NBAS: variants seen among roughly 807,000 people sequenced by gnomAD.
NBAS encodes the protein NBAS subunit of NRZ tethering complex.
NBAS carries 219 observed loss-of-function variants against 302.5 expected under a neutral mutation model. The observed-to-expected ratio is 0.72, with a 90% confidence interval of 0.65 to 0.81. The LOEUF is 0.81. Among genes scored for constraint, NBAS ranks in the 30% least tolerant of loss-of-function variants. The probability of loss-of-function intolerance (pLI) is 0.00; values close to 1 mark genes in which losing one functional copy is unlikely to be tolerated. For missense variants in NBAS, 2,932 were observed against 2,841.6 expected, an observed-to-expected ratio of 1.03 and a Z score of -0.72; for synonymous variants, 1,118 against 1,021.6, an observed-to-expected ratio of 1.09 and a Z score of -1.80.
the NBAS span, among the ~76,000 whole-genome samples, chr2:14,843,557 G>GACAC: frequency 1.8e-4 from 27 of 147,034 alleles, no homozygotes; most frequent in Non-Finnish European, 2.9e-4. Flanking sequence ...TACAGACACA[G>GACAC]ACACACACAC....
At chr2:15,317,816 A>C (rs1558529220) in intron 38 of NBAS, among the ~76,000 whole-genome samples, 1 of 152,254 alleles carries the variant, frequency 6.6e-6, no homozygotes, top group Non-Finnish European at 1.5e-5. Flanking sequence ...CAAGTTGGAA[A>C]ACACACTTCA....
intron 19 of NBAS, among the ~76,000 whole-genome samples, chr2:15,463,624 C>T (rs747364080): frequency 7.2e-5 from 11 of 151,890 alleles, no homozygotes; most frequent in Non-Finnish European, 1.3e-4. Flanking sequence ...TTCCCTTTAT[C>T]GCACTCATCC....
At chr2:14,788,460 T>C in the NBAS span, among the ~76,000 whole-genome samples, 2 of 152,142 alleles carry the variant, frequency 1.3e-5, no homozygotes, top group Non-Finnish European at 2.9e-5. Context: ...TTTTATCTAC[T>C]TTTGGTCTTT....
At chr2:15,063,702 A>G in the NBAS span, among the ~76,000 whole-genome samples, 1 of 152,210 alleles carries the variant, frequency 6.6e-6, no homozygotes, top group South Asian at 2.1e-4. Flanking sequence ...AGAGGCATCG[A>G]GAATGTGCAC....
At chr2:15,053,556 G>T in the NBAS span, among the ~76,000 whole-genome samples, 1 of 152,132 alleles carries the variant, frequency 6.6e-6, no homozygotes, top group Non-Finnish European at 1.5e-5. Flanking sequence ...ACCCCAAATT[G>T]ACACAGTCTG....
chr2:15,516,407 C>T (rs911431012), intron 9 of NBAS, among the ~76,000 whole-genome samples: 2 of 152,132 alleles, frequency 1.3e-5, no homozygotes, highest in Admixed American at 6.5e-5. Context: ...GACATTCTCA[C>T]TCAAATTTGA....
chr2:15,216,876 G>A (rs1250852913), intron 48 of NBAS, among the ~76,000 whole-genome samples: 2 of 152,174 alleles, frequency 1.3e-5, no homozygotes, highest in African/African-American at 2.4e-5. Context: ...TCATCCTGGC[G>A]AGAAGGTGAA....
the NBAS span, among the ~76,000 whole-genome samples, chr2:14,991,432 G>A: frequency 6.6e-6 from 1 of 152,160 alleles, no homozygotes; most frequent in Non-Finnish European, 1.5e-5. Context: ...GAAACATAAG[G>A]TACCATTGAC....
chr2:15,311,196 C>T (rs1004460789), intron 38 of NBAS, among the ~76,000 whole-genome samples: 1 of 152,202 alleles, frequency 6.6e-6, no homozygotes, highest in African/African-American at 2.4e-5. Context: ...CATCTGAATA[C>T]TCATATTAAG....
chr2:14,906,642 G>A, the NBAS span, among the ~76,000 whole-genome samples: 1 of 152,176 alleles, frequency 6.6e-6, no homozygotes, highest in East Asian at 1.9e-4. Flanking sequence ...AGAAGCCCTG[G>A]GGGTGGCATG....
intron 31 of NBAS, among the ~76,000 whole-genome samples, chr2:15,373,215 G>C (rs570289088): frequency 6.6e-6 from 1 of 152,260 alleles, no homozygotes; most frequent in African/African-American, 2.4e-5. Flanking sequence ...AAATTTTCCA[G>C]TGATTTAGCA....
intron 32 of NBAS, among the ~76,000 whole-genome samples, chr2:15,356,691 A>G (rs1482121902): frequency 6.6e-6 from 1 of 152,204 alleles, no homozygotes; most frequent in Admixed American, 6.5e-5. Context: ...GAACCCTACA[A>G]AAAAGTCTTG....
intron 25 of NBAS, among the ~76,000 whole-genome samples, chr2:15,404,173 C>T (rs1389743025): frequency 6.6e-6 from 1 of 152,124 alleles, no homozygotes; most frequent in African/African-American, 2.4e-5. Flanking sequence ...AACAAATACC[C>T]TAAGAGGTCA....
intron 3 of NBAS, among the ~76,000 whole-genome samples, chr2:15,556,138 G>C (rs1664634166): frequency 6.6e-6 from 1 of 152,114 alleles, no homozygotes; most frequent in Non-Finnish European, 1.5e-5. Context: ...AAAGACGTTG[G>C]AGCAAGTCCT....
rs185386942 is a variant in NBAS, at chr2:15,413,297, C to G, written c.2937+2249G>C. On this transcript the variant is annotated intron_variant, in intron 25 of 51. Coordinates refer to ENST00000281513, the MANE Select transcript of NBAS (RefSeq NM_015909.4). ...CCCTGCCAAAATTTGCTGACATTTGCTCTCTACTAGGCACTGTGCAATTCC... is the reference window on the plus strand; with the variant it reads ...CCCTGCCAAAATTTGCTGACATTTGGTCTCTACTAGGCACTGTGCAATTCC... Among the ~76,000 whole-genome samples the G allele has an allele frequency of 2.6e-4, 39 of 152,260 alleles. No individual in the cohort carries two copies. The East Asian group carries it at 7.5e-3, about 29-fold the overall frequency.
At chr2:15,452,099 T>C in intron 21 of NBAS, among the ~76,000 whole-genome samples, 1 of 152,138 alleles carries the variant, frequency 6.6e-6, no homozygotes, top group Admixed American at 6.5e-5. Context: ...GAAATGTGGT[T>C]GCCAAGGGCT....
At chr2:14,784,638 G>A in the NBAS span, among the ~76,000 whole-genome samples, 1 of 152,212 alleles carries the variant, frequency 6.6e-6, no homozygotes, top group East Asian at 1.9e-4. Flanking sequence ...TAGATATGCG[G>A]CGTTATTTCT....
intron 12 of NBAS, among the ~76,000 whole-genome samples, chr2:15,484,063 G>T (rs1680530183): frequency 6.6e-6 from 1 of 152,004 alleles, no homozygotes; most frequent in Non-Finnish European, 1.5e-5. Flanking sequence ...TCAAAGCTTG[G>T]GATTTCTCTT....
chr2:15,308,240 C>T lies in NBAS; in HGVS notation c.4773G>A (p.Arg1591=), dbSNP rs145025745. The change falls in exon 40 of 52, where the codon AGG becomes AGA. Residue 1591 remains arginine (R), a synonymous_variant. Coordinates refer to ENST00000281513, the MANE Select transcript of NBAS (RefSeq NM_015909.4). The part of the protein sequence containing the change: ...QIYARLAPCF[R]DKCHPLYRAD... Reference sequence around the variant, plus strand: ...CCCTGTAAAGAGGATGGCACTTGTCCCTGAAACATGGGGCCAATCGGGCAT... The same window carrying T: ...CCCTGTAAAGAGGATGGCACTTGTCTCTGAAACATGGGGCCAATCGGGCAT... 1 of 1,614,130 alleles carries T rather than the reference C, an allele frequency of 6.2e-7. No homozygotes were observed. The highest frequency in any genetic ancestry group is 8.5e-7 in the Non-Finnish European group (1 of 1,180,016).
Sources: allele counts gnomAD v4.1 joint callset (sites outside exome capture counted in the v4.1 genomes callset), GRCh38; gene constraint gnomAD v4.1.1; transcripts MANE v1.5; gene names NCBI Gene and HGNC (gene_info 2026-07-23, HGNC 2026-07-21).